Variants in PCDHA8 observed in about 807,000 individuals in gnomAD.
The protein encoded by PCDHA8 is protocadherin alpha-8.
A neutral mutation model predicts 61.8 loss-of-function variants in PCDHA8; 53 were observed. The ratio of observed to expected loss-of-function variants is 0.86; its 90% CI spans 0.69 to 1.08. The LOEUF is 1.08. Ranked by LOEUF, PCDHA8 falls within the 50% of genes least tolerant of loss-of-function variation. The probability of loss-of-function intolerance (pLI) is 0.00; values close to 1 mark genes in which losing one functional copy is unlikely to be tolerated. For synonymous variants in PCDHA8, 618 were observed against 556.6 expected (o/e 1.11, Z -1.55); for missense variants, 1,293 against 1,245.0 (o/e 1.04, Z -0.58).
chr5:140,937,653 C>G (rs930742748), intron 1 of PCDHA8, among the ~76,000 whole-genome samples: 1 of 151,298 alleles, frequency 6.6e-6, no homozygotes, highest in Non-Finnish European at 1.5e-5. Context: ...TGGCTCACGC[C>G]TGTAATCCCA....
At chr5:140,900,559 G>T (rs542075943) in intron 1 of PCDHA8, among the ~76,000 whole-genome samples, 1 of 152,196 alleles carries the variant, frequency 6.6e-6, no homozygotes, top group Admixed American at 6.5e-5. Context: ...TTACAGGCGT[G>T]AGCCACGGCA....
At chr5:140,895,892 A>G (rs1554186717) in intron 1 of PCDHA8, among the ~76,000 whole-genome samples, 1 of 152,080 alleles carries the variant, frequency 6.6e-6, no homozygotes, top group East Asian at 1.9e-4. Flanking sequence ...GCTCACTGCA[A>G]CCTCCGCGTC....
chr5:140,912,851 A>C lies in PCDHA8; in HGVS notation c.2395-66098A>C, dbSNP rs564747882. ...TTTTATTAAATGCTTTTTCAGCATCAATTGAAATGATATATGGTTTTTGGT... is the reference window on the plus strand; with the variant it reads ...TTTTATTAAATGCTTTTTCAGCATCCATTGAAATGATATATGGTTTTTGGT... On this transcript the variant is annotated intron_variant, in intron 1 of 3. Coordinates refer to ENST00000531613, the MANE Select transcript of PCDHA8 (RefSeq NM_018911.3). Among the ~76,000 whole-genome samples, 3 of 152,328 alleles carry C rather than the reference A, an allele frequency of 2.0e-5. No individual in the cohort carries two copies. The South Asian group carries it at 6.2e-4, about 32-fold the overall frequency.
chr5:140,842,799 C>T lies in PCDHA8; in HGVS notation c.1478C>T (p.Ser493Leu), dbSNP rs2150344737. ...DAQENALVSYSLVERRVGERS... is the reference protein window; with the variant it reads ...DAQENALVSYLLVERRVGERS... ...CAGGAGAACGCGCTGGTGTCCTACT[C>T]GCTTGTGGAGCGGCGGGTGGGCGAG... Residue 493 changes from serine to leucine, a missense_variant, in exon 1 of 4, where the codon TCG becomes TTG. By Grantham distance (145) the Ser-to-Leu change is moderately radical. Coordinates refer to ENST00000531613, the MANE Select transcript of PCDHA8 (RefSeq NM_018911.3). 1.6e-5 allele frequency: 25 copies of T among 1,594,312 alleles called. 3 individuals carry two copies. Among genetic ancestry groups the T allele is most frequent in the Non-Finnish European group, 1.7e-5 (20 of 1,165,456 alleles).
chr5:140,897,613 A>C (rs1252972033), intron 1 of PCDHA8, among the ~76,000 whole-genome samples: 2 of 152,052 alleles, frequency 1.3e-5, no homozygotes, highest in Non-Finnish European at 2.9e-5. Flanking sequence ...GTTGGTTCCA[A>C]GTCTTTACTA....
chr5:140,855,736 A>T (rs1422055740), intron 1 of PCDHA8: 3 of 305,736 alleles, frequency 9.8e-6, no homozygotes, highest in African/African-American at 6.5e-5. Context: ...CTATAAAGAG[A>T]CGTAATGTGA....
At position 140,869,840 on chromosome 5, in the gene PCDHA8, A is replaced by T. The variant is rs782569950; in HGVS notation, c.2394+26125A>T. 9 of 1,611,616 alleles carry T rather than the reference A, an allele frequency of 5.6e-6. No homozygotes were observed. The Admixed American group carries it at 1.5e-4, about 27-fold the overall frequency. On this transcript the variant is annotated intron_variant, in intron 1 of 3. Transcript: ENST00000531613. The stretch of plus-strand genomic sequence containing the variant: ...AATGATCCAGAGTTTGATAAATCAG[A>T]ATATAAGGTGAGCCTTATGGAAAAT...
chr5:140,973,741 G>C (rs925905924), intron 1 of PCDHA8, among the ~76,000 whole-genome samples: 1 of 152,206 alleles, frequency 6.6e-6, no homozygotes, highest in Admixed American at 6.5e-5. Context: ...GTCTAACTCA[G>C]AACACTCTGC....
chr5:141,007,517 G>A (rs2098333696), intron 3 of PCDHA8, among the ~76,000 whole-genome samples: 1 of 151,984 alleles, frequency 6.6e-6, no homozygotes, highest in African/African-American at 2.4e-5. Flanking sequence ...GCAGTGAGCT[G>A]ATATCTCGCC....
At chr5:140,882,844 A>G in intron 1 of PCDHA8, 1 of 1,614,248 alleles carries the variant, frequency 6.2e-7, no homozygotes, top group Non-Finnish European at 8.5e-7. Flanking sequence ...TGTCTTCATT[A>G]TCACTTGTAC....
At chr5:140,945,761 G>T (rs2093839627) in intron 1 of PCDHA8, among the ~76,000 whole-genome samples, 1 of 152,118 alleles carries the variant, frequency 6.6e-6, no homozygotes, top group East Asian at 1.9e-4. Flanking sequence ...AATGGTGGTG[G>T]GACAATTTGA....
At chr5:140,966,505 A>C (rs2096011889) in intron 1 of PCDHA8, 2 of 427,984 alleles carry the variant, frequency 4.7e-6, no homozygotes, top group Non-Finnish European at 8.1e-6. Context: ...CTGTAGCGGC[A>C]GCAGCAGCAG....
At position 140,852,929 on chromosome 5, in the gene PCDHA8, A is replaced by G. The variant is rs2150525659; in HGVS notation, c.2394+9214A>G. 9 of 654,866 alleles carry G rather than the reference A, an allele frequency of 1.4e-5. No individual in the cohort carries two copies. The Admixed American group carries it at 3.9e-4, about 29-fold the overall frequency. The allele number at this position is 654,866 out of a possible 1,614,324, so 40.6% of individuals were successfully genotyped here. A position where few individuals can be genotyped will look rare whatever the true frequency, so the allele number is the denominator to read the frequency against. Reference sequence around the variant, plus strand: ...AGTCTCGCTCTGTTGCCCAGGCTGGAGTGCAGTGGTGCCATCTTGGCTCAC... The same window carrying G: ...AGTCTCGCTCTGTTGCCCAGGCTGGGGTGCAGTGGTGCCATCTTGGCTCAC... On this transcript the variant is annotated intron_variant, in intron 1 of 3. Transcript: ENST00000531613.
chr5:140,871,760 G>C lies in PCDHA8; in HGVS notation c.2394+28045G>C, dbSNP rs191249350. Among the ~76,000 whole-genome samples the C allele has an allele frequency of 5.4e-3, 815 of 152,314 alleles. 3 individuals are homozygous for C. Among genetic ancestry groups the C allele is most frequent in the Middle Eastern group, 0.014 (4 of 294 alleles). The stretch of plus-strand genomic sequence containing the variant: ...AAATCCTAAAAGAAATGAGATGCAA[G>C]AGTGACTCTTCTGTAGTCACTTGAG... On this transcript the variant is annotated intron_variant, in intron 1 of 3. Coordinates refer to ENST00000531613, the MANE Select transcript of PCDHA8 (RefSeq NM_018911.3).
intron 1 of PCDHA8, chr5:140,861,390 C>G (rs970688451): frequency 2.0e-5 from 9 of 450,942 alleles, no homozygotes; most frequent in Admixed American, 6.9e-5. Flanking sequence ...GGACCTGGGT[C>G]TGGAGCTTGT....
intron 1 of PCDHA8, chr5:140,969,554 TC>T: frequency 8.2e-7 from 1 of 1,222,072 alleles, no homozygotes; most frequent in Non-Finnish European, 1.1e-6. Context: ...TGAAGCCTTG[TC>T]CATAAAATTG....
intron 1 of PCDHA8, chr5:140,884,756 T>A: frequency 7.0e-7 from 1 of 1,427,108 alleles, no homozygotes; most frequent in Admixed American, 3.0e-5. Flanking sequence ...TTTCAAATTA[T>A]TCTTTACTTT....
At chr5:140,907,847 C>T (rs1332235262) in intron 1 of PCDHA8, among the ~76,000 whole-genome samples, 15 of 152,232 alleles carry the variant, frequency 9.9e-5, no homozygotes, top group African/African-American at 3.6e-4. Flanking sequence ...TAAAATCCTC[C>T]TCTGCTGAGG....
chr5:140,883,881 G>A (rs782379771), intron 1 of PCDHA8: 13 of 1,613,320 alleles, frequency 8.1e-6, no homozygotes, highest in Non-Finnish European at 1.1e-5. Flanking sequence ...GTGAGCGCGC[G>A]CGACTCTGGC....
Sources: allele counts gnomAD v4.1 joint callset (sites outside exome capture counted in the v4.1 genomes callset), GRCh38; gene constraint gnomAD v4.1.1; transcripts MANE v1.5; gene names NCBI Gene and HGNC (gene_info 2026-07-23, HGNC 2026-07-21).